SERPINB7: variants seen among roughly 807,000 people sequenced by gnomAD.
The protein encoded by SERPINB7 is serpin family B member 7.
In SERPINB7, 31 loss-of-function variants were observed where a neutral mutation model predicts 37.4. The ratio of observed to expected loss-of-function variants is 0.83; its 90% CI spans 0.62 to 1.12. The LOEUF (loss-of-function observed/expected upper bound fraction) is 1.12, where lower values mean the gene tolerates loss of function less well. Among genes scored for constraint, SERPINB7 ranks in the 50% most tolerant of loss-of-function variants. SERPINB7 has a pLI of 0.00. For synonymous variants in SERPINB7, 163 were observed against 166.1 expected (o/e 0.98, Z 0.14); for missense variants, 521 against 455.3 (o/e 1.14, Z -1.31).
Position 63,796,348 on chromosome 18 carries a change from G to C in SERPINB7, c.419G>C (p.Arg140Pro), listed in dbSNP as rs772155893. The change falls in exon 5 of 8, where the codon CGT becomes CCT. Residue 140 changes from arginine to proline, a missense_variant. Transcript: ENST00000398019. ...DFTNHLEDTR[R>P]NINKWVENET... Reference sequence around the variant, plus strand: ...ACGAATCATTTAGAAGACACTAGACGTAATATTAATAAGTGGGTTGAAAAT... The same window carrying C: ...ACGAATCATTTAGAAGACACTAGACCTAATATTAATAAGTGGGTTGAAAAT... The C allele has an allele frequency of 3.7e-6, 6 of 1,608,146 alleles. No homozygotes were observed. The highest frequency in any genetic ancestry group is 1.1e-5 in the South Asian group (1 of 90,778).
chr18:63,779,704 T>C (rs886644955), intron 1 of SERPINB7, among the ~76,000 whole-genome samples: 1 of 152,132 alleles, frequency 6.6e-6, no homozygotes, highest in Non-Finnish European at 1.5e-5. Context: ...CTCTGTATCC[T>C]GAATGAATAC....
chr18:63,760,506 G>A (rs2049147390), intron 1 of SERPINB7, among the ~76,000 whole-genome samples: 1 of 152,176 alleles, frequency 6.6e-6, no homozygotes, highest in Non-Finnish European at 1.5e-5. Context: ...TGCATAAGTA[G>A]CAAGGAGCCT....
At chr18:63,788,941 A>G (rs2049399424) in intron 2 of SERPINB7, among the ~76,000 whole-genome samples, 1 of 152,222 alleles carries the variant, frequency 6.6e-6, no homozygotes, top group African/African-American at 2.4e-5. Context: ...CATTCACACA[A>G]TGACAAAATC....
chr18:63,784,599 G>C (rs372766911), intron 2 of SERPINB7, among the ~76,000 whole-genome samples: 31 of 152,252 alleles, frequency 2.0e-4, no homozygotes, highest in Admixed American at 7.2e-4. Flanking sequence ...TCAGAACCAA[G>C]TGAGATGATT....
intron 2 of SERPINB7, among the ~76,000 whole-genome samples, chr18:63,786,576 A>G (rs1454686168): frequency 6.6e-6 from 1 of 151,854 alleles, no homozygotes. Flanking sequence ...ATAATTTGGC[A>G]TGAATATGCA....
At chr18:63,798,304 C>A (rs8083983) in intron 5 of SERPINB7, among the ~76,000 whole-genome samples, 24,736 of 152,076 alleles carry the variant, frequency 0.16, 2,214 homozygotes, top group Non-Finnish European at 0.2. Flanking sequence ...GGGTTGGAAT[C>A]CTATTGCTAT....
At chr18:63,772,960 A>G (rs1187991068), upstream of SERPINB7, among the ~76,000 whole-genome samples, 1 of 152,148 alleles carries the variant, frequency 6.6e-6, no homozygotes, top group Non-Finnish European at 1.5e-5. Flanking sequence ...AGCTGCGATT[A>G]TTCATGTCAA....
chr18:63,793,184 A>G lies in SERPINB7; in HGVS notation c.243A>G (p.Lys81=), dbSNP rs1568212098. ...AGTCAGGGCTCCAGTCTCAACTGAA[A>G]AGAGTTTTTTCTGATATAAATGCAT... ...NSQSGLQSQL[K]RVFSDINASH... Residue 81 remains lysine, a synonymous_variant, in exon 4 of 8, where the codon AAA becomes AAG. Transcript: ENST00000398019. 6.3e-7 allele frequency: 1 copy of G among 1,588,786 alleles called. No individual in the cohort carries two copies. Among genetic ancestry groups the G allele is most frequent in the Admixed American group, 1.7e-5 (1 of 57,350 alleles).
At chr18:63,755,905 C>A (rs1033418322) in intron 1 of SERPINB7, among the ~76,000 whole-genome samples, 1 of 151,986 alleles carries the variant, frequency 6.6e-6, no homozygotes, top group African/African-American at 2.4e-5. Flanking sequence ...AAAACAAAAA[C>A]TTCTATTCAA....
intron 5 of SERPINB7, among the ~76,000 whole-genome samples, chr18:63,797,439 C>A (rs1599019525): frequency 6.6e-6 from 1 of 152,116 alleles, no homozygotes; most frequent in Admixed American, 6.6e-5. Context: ...AATTATTACT[C>A]TTCTAAAATC....
intron 2 of SERPINB7, among the ~76,000 whole-genome samples, chr18:63,791,341 C>T (rs1227283000): frequency 6.6e-6 from 1 of 151,906 alleles, no homozygotes; most frequent in Non-Finnish European, 1.5e-5. Context: ...GTTTTAGAGC[C>T]TATTTAAGTA....
At chr18:63,792,238 A>T (rs546843770) in intron 2 of SERPINB7, among the ~76,000 whole-genome samples, 155 bp from the exon 3 acceptor site, 38 of 152,342 alleles carry the variant, frequency 2.5e-4, no homozygotes, top group African/African-American at 8.9e-4. Context: ...GTGCATTCAG[A>T]GTCATGGGGA....
rs2049320533 is a variant in SERPINB7, at chr18:63,783,186, A to AAGAAAG, written c.168+649_168+650insAAGAGA. 3.6e-4 allele frequency among the ~76,000 whole-genome samples: 27 copies of AAGAAAG among 75,320 alleles called. 1 individual carries two copies. The highest frequency in any genetic ancestry group is 9.6e-4 in the African/African-American group (16 of 16,696). The allele number at this position is 75,320 out of a possible 152,430, so 49.4% of individuals were successfully genotyped here. A position where few individuals can be genotyped will look rare whatever the true frequency, so the allele number is the denominator to read the frequency against. On this transcript the variant is annotated intron_variant, in intron 2 of 7. Transcript: ENST00000398019. ...CAAAAAGAAAATAAAGAAAGAAAGA[A>AAGAAAG]AGAGAGAGAGAGAGAGAGAGAGAGA... is the stretch of plus-strand genomic sequence containing the variant.
chr18:63,755,706 A>T (rs1471267724), intron 1 of SERPINB7, among the ~76,000 whole-genome samples: 1 of 152,060 alleles, frequency 6.6e-6, no homozygotes, highest in Admixed American at 6.6e-5. Flanking sequence ...AAGCCTGGAC[A>T]ACATAGCAAG....
chr18:63,765,873 C>T (rs2049178059), intron 1 of SERPINB7, among the ~76,000 whole-genome samples: 1 of 152,120 alleles, frequency 6.6e-6, no homozygotes, highest in African/African-American at 2.4e-5. Context: ...AGGTTTCAAG[C>T]AGCTGAAAAA....
chr18:63,789,042 ATCAG>A (rs762628583), intron 2 of SERPINB7, among the ~76,000 whole-genome samples: 8 of 152,376 alleles, frequency 5.3e-5, no homozygotes, highest in South Asian at 2.1e-4. Context: ...AAGAGCAGAC[ATCAG>A]TCAAATTATA....
At chr18:63,757,051 C>T (rs1328353215) in intron 1 of SERPINB7, among the ~76,000 whole-genome samples, 2 of 151,964 alleles carry the variant, frequency 1.3e-5, no homozygotes, top group Non-Finnish European at 2.9e-5. Context: ...TGTGCTTAGC[C>T]CACTGTTTAA....
At chr18:63,775,999 G>T (rs2049243659) in intron 1 of SERPINB7, among the ~76,000 whole-genome samples, 1 of 151,936 alleles carries the variant, frequency 6.6e-6, no homozygotes, top group Non-Finnish European at 1.5e-5. Context: ...GTCAGTCTTG[G>T]ACTTATTTTG....
At chr18:63,795,483 C>A (rs1422693194) in intron 4 of SERPINB7, among the ~76,000 whole-genome samples, 1 of 151,642 alleles carries the variant, frequency 6.6e-6, no homozygotes, top group Non-Finnish European at 1.5e-5. Context: ...ATCACTTGAA[C>A]CCAGGAGGCA....
Sources: gnomAD v4.1 joint callset for allele counts (sites outside exome capture counted in the v4.1 genomes callset) on GRCh38, gnomAD v4.1.1 for gene constraint, MANE v1.5 for transcripts, NCBI Gene and HGNC (gene_info 2026-07-23, HGNC 2026-07-21) for gene names.